Variants in PATJ observed in about 807,000 individuals in gnomAD.
PATJ encodes the protein inaD-like protein.
A neutral mutation model predicts 224.9 loss-of-function variants in PATJ; 190 were observed. The observed-to-expected ratio is 0.84, with a 90% CI of 0.75 to 0.95. The LOEUF is 0.95. PATJ is among the 40% of genes least tolerant of loss of function. The probability of loss-of-function intolerance (pLI) is 0.00; values close to 1 mark genes in which losing one functional copy is unlikely to be tolerated. For missense variants in PATJ, 2,121 were observed against 2,270.3 expected (o/e 0.93, Z 1.34); for synonymous variants, 769 against 820.3 (o/e 0.94, Z 1.07).
chr1:62,028,450 A>T (rs1648473549), intron 29 of PATJ, among the ~76,000 whole-genome samples: 1 of 152,122 alleles, frequency 6.6e-6, no homozygotes, highest in South Asian at 2.1e-4. Context: ...CCATTCCCCC[A>T]TTGAATGGTC....
chr1:61,824,372 T>A (rs1401040153), intron 15 of PATJ, among the ~76,000 whole-genome samples: 1 of 151,784 alleles, frequency 6.6e-6, no homozygotes, highest in East Asian at 1.9e-4. Flanking sequence ...GTCCACTTTT[T>A]TTTTTTTTGG....
chr1:61,768,630 T>C (rs1259091138), intron 4 of PATJ, among the ~76,000 whole-genome samples: 1 of 152,108 alleles, frequency 6.6e-6, no homozygotes, highest in Non-Finnish European at 1.5e-5. Flanking sequence ...CTGGGCACTG[T>C]GGCTCACGTC....
At chr1:61,978,881 T>A (rs1644294333) in intron 27 of PATJ, among the ~76,000 whole-genome samples, 1 of 152,110 alleles carries the variant, frequency 6.6e-6, no homozygotes, top group South Asian at 2.1e-4. Flanking sequence ...GTGACTTGAA[T>A]TAAGTTTCTT....
intron 27 of PATJ, among the ~76,000 whole-genome samples, chr1:61,947,755 A>G (rs1416126180): frequency 6.6e-6 from 1 of 152,230 alleles, no homozygotes; most frequent in African/African-American, 2.4e-5. Context: ...CCGCATTGCC[A>G]AAACAATCCT....
At chr1:62,146,220 C>T (rs1048749106) in intron 41 of PATJ, among the ~76,000 whole-genome samples, 3 of 151,908 alleles carry the variant, frequency 2.0e-5, no homozygotes, top group East Asian at 3.9e-4. Flanking sequence ...GTGAGGAGGC[C>T]GGCACAATGG....
intron 17 of PATJ, among the ~76,000 whole-genome samples, chr1:61,834,380 A>G (rs1008817455): frequency 2.5e-4 from 38 of 152,166 alleles, no homozygotes; most frequent in Admixed American, 2.0e-3. Flanking sequence ...ATATCTATGT[A>G]TTTATTTATA....
At chr1:61,800,929 G>A (rs539946785) in intron 11 of PATJ, among the ~76,000 whole-genome samples, 57 of 152,238 alleles carry the variant, frequency 3.7e-4, no homozygotes, top group South Asian at 1.2e-3. Flanking sequence ...TTATGGCTGC[G>A]TAGTGTTCCA....
chr1:62,153,491 C>CT lies in PATJ; in HGVS notation c.5502+16dup. On this transcript the variant is annotated intron_variant, in intron 43 of 43. Coordinates refer to ENST00000642238, the MANE Select transcript of PATJ (RefSeq NM_001350145.3). ...GACTGTATTTGCAAAGGTATATCTTCTTTTTTAATGTACTTTTTTAAAAAA... is the reference window on the plus strand; with the variant it reads ...GACTGTATTTGCAAAGGTATATCTTCTTTTTTTAATGTACTTTTTTAAAAAA... 8.1e-7 allele frequency: 1 copy of CT among 1,230,178 alleles called. No individual in the cohort carries two copies. Among genetic ancestry groups the CT allele is most frequent in the Middle Eastern group, 3.1e-4 (1 of 3,202 alleles). The allele number at this position is 1,230,178 out of a possible 1,614,324, so 76.2% of individuals were successfully genotyped here.
At chr1:61,742,763 C>CCCGCGGCGTGCGT (rs1553147272) in intron 1 of PATJ, among the ~76,000 whole-genome samples, 1 of 150,506 alleles carries the variant, frequency 6.6e-6, no homozygotes, top group Non-Finnish European at 1.5e-5. Flanking sequence ...GGATGGGGCG[C>CCCGCGGCGTGCGT]CCGCGGCGTG....
intron 28 of PATJ, among the ~76,000 whole-genome samples, chr1:62,000,086 A>G (rs1438178593): frequency 6.6e-6 from 1 of 151,456 alleles, no homozygotes; most frequent in African/African-American, 2.4e-5. Context: ...ATGGGGTTTC[A>G]CCATATTGGC....
At chr1:61,898,937 C>T (rs559668106) in intron 22 of PATJ, among the ~76,000 whole-genome samples, 11 of 147,120 alleles carry the variant, frequency 7.5e-5, no homozygotes, top group Admixed American at 7.5e-4. Context: ...CAGGCATGTG[C>T]CACCATGCAC....
chr1:62,005,527 G>T (rs1405880539), intron 28 of PATJ, among the ~76,000 whole-genome samples: 1 of 151,854 alleles, frequency 6.6e-6, no homozygotes, highest in East Asian at 1.9e-4. Flanking sequence ...ATTTTGAGAG[G>T]CTGAGATTAG....
At chr1:61,965,117 GTC>G (rs1681905526) in intron 27 of PATJ, among the ~76,000 whole-genome samples, 2 of 48,740 alleles carry the variant, frequency 4.1e-5, no homozygotes, top group South Asian at 9.6e-4. Context: ...AGGAGACTCT[GTC>G]TCAAAAAAAA....
Position 61,936,173 on chromosome 1 carries a change from T to G in PATJ, c.3670+8344T>G, listed in dbSNP as rs553280519. Among the ~76,000 whole-genome samples the G allele has an allele frequency of 2.6e-5, 4 of 151,814 alleles. No individual in the cohort carries two copies. In the East Asian group the frequency reaches 7.7e-4, roughly 29 times the overall value. On this transcript the variant is annotated intron_variant, in intron 27 of 43. Coordinates refer to ENST00000642238, the MANE Select transcript of PATJ (RefSeq NM_001350145.3). ...ATCACACTTCCCCCCAAATCCCTAC[T>G]CATTAGCAGTCACTCCACTTCATAT... is the stretch of plus-strand genomic sequence containing the variant.
chr1:62,115,906 T>C (rs1478816014), intron 35 of PATJ, among the ~76,000 whole-genome samples: 2 of 152,040 alleles, frequency 1.3e-5, no homozygotes. Flanking sequence ...GAACCATCAC[T>C]CTGAAAATGC....
intron 27 of PATJ, among the ~76,000 whole-genome samples, chr1:61,956,012 T>C (rs1680397490): frequency 6.6e-6 from 1 of 152,228 alleles, no homozygotes; most frequent in African/African-American, 2.4e-5. Flanking sequence ...CACATTTTAA[T>C]ATTGAAAGTT....
rs756194112 is a variant in PATJ, at chr1:61,827,576, A to T, written c.1973A>T (p.Glu658Val). ...EPRRTETSLP[E>V]TEVDHNMDVN... ...AGGCGCACTGAAACCTCTCTTCCTGAGACAGAGGTACTAAATGAATATAGT... is the reference window on the plus strand; with the variant it reads ...AGGCGCACTGAAACCTCTCTTCCTGTGACAGAGGTACTAAATGAATATAGT... The change falls in exon 16 of 44, where the codon GAG becomes GTG. Residue 658 changes from glutamate to valine, a missense_variant. Glu to Val is a moderately radical substitution (Grantham distance 121). Transcript: ENST00000642238. 1.2e-6 allele frequency: 2 copies of T among 1,613,656 alleles called. No individual in the cohort carries two copies. Among genetic ancestry groups the T allele is most frequent in the East Asian group, 2.2e-5 (1 of 44,864 alleles).
At chr1:62,019,063 C>T (rs761922384) in intron 29 of PATJ, among the ~76,000 whole-genome samples, 5 of 151,890 alleles carry the variant, frequency 3.3e-5, no homozygotes, top group African/African-American at 1.2e-4. Flanking sequence ...GCCAACATGG[C>T]GAAACCCTGT....
chr1:61,907,022 TAGTG>T (rs1671953472), intron 24 of PATJ, among the ~76,000 whole-genome samples: 1 of 152,266 alleles, frequency 6.6e-6, no homozygotes, highest in African/African-American at 2.4e-5. Flanking sequence ...GTTCTTGTGA[TAGTG>T]AGTGAGTTCT....
Sources: gnomAD v4.1 joint callset for allele counts (sites outside exome capture counted in the v4.1 genomes callset) on GRCh38, gnomAD v4.1.1 for gene constraint, MANE v1.5 for transcripts, NCBI Gene and HGNC (gene_info 2026-07-23, HGNC 2026-07-21) for gene names.